PIP5K1B: variants seen among roughly 807,000 people sequenced by gnomAD.
The protein encoded by PIP5K1B is phosphatidylinositol 4-phosphate 5-kinase type-1 beta.
Under a neutral mutation model 67.0 loss-of-function variants are expected in PIP5K1B, and 42 were observed. The ratio of observed to expected loss-of-function variants is 0.63; its 90% CI spans 0.49 to 0.81. The LOEUF is 0.81. Ranked by LOEUF, PIP5K1B falls within the 30% of genes least tolerant of loss-of-function variation. PIP5K1B has a pLI of 0.00. For synonymous variants in PIP5K1B, 214 were observed against 231.4 expected (o/e 0.92, Z 0.68); for missense variants, 459 against 646.3 (o/e 0.71, Z 3.14).
chr9:68,940,896 C>A, intron 14 of PIP5K1B, 106 bp downstream of exon 14: 1 of 1,023,384 alleles, frequency 9.8e-7, no homozygotes, highest in Non-Finnish European at 1.5e-6. Context: ...CCAGGATGTG[C>A]CTGTCATCTG....
At chr9:68,717,087 G>A (rs1291065150) in intron 1 of PIP5K1B, among the ~76,000 whole-genome samples, 1 of 152,176 alleles carries the variant, frequency 6.6e-6, no homozygotes, top group African/African-American at 2.4e-5. Context: ...CTCCAAAGGG[G>A]ACAGGGAAGG....
intron 1 of PIP5K1B, among the ~76,000 whole-genome samples, chr9:68,733,340 C>A (rs1587358825): frequency 6.6e-6 from 1 of 152,114 alleles, no homozygotes; most frequent in South Asian, 2.1e-4. Context: ...AACTGCAGAG[C>A]CTTGCATATT....
intron 2 of PIP5K1B, among the ~76,000 whole-genome samples, chr9:68,773,240 C>G (rs369271303): frequency 2.6e-5 from 4 of 152,294 alleles, no homozygotes; most frequent in Admixed American, 2.6e-4. Flanking sequence ...GTTCCTCCAC[C>G]CCCTTGGCAA....
At chr9:68,872,378 C>T (rs1330307722) in intron 5 of PIP5K1B, among the ~76,000 whole-genome samples, 1 of 152,214 alleles carries the variant, frequency 6.6e-6, no homozygotes, top group African/African-American at 2.4e-5. Context: ...TTCACTAGAG[C>T]TTCATTCATG....
chr9:68,759,931 T>C lies in PIP5K1B; in HGVS notation c.-86+17274T>C, dbSNP rs1429692075. Among the ~76,000 whole-genome samples, 7 of 152,102 alleles carry C rather than the reference T, an allele frequency of 4.6e-5. No individual in the cohort carries two copies. In the East Asian group the frequency reaches 9.6e-4, roughly 21 times the overall value. ...CATTAAAATTTCCATCAGACAGCAA[T>C]CTTCTAAGGTATGGCTTTTGTAAAA... On this transcript the variant is annotated intron_variant, in intron 2 of 15. Coordinates refer to ENST00000265382, the MANE Select transcript of PIP5K1B (RefSeq NM_003558.4).
chr9:68,819,596 C>A (rs12341091), intron 3 of PIP5K1B, among the ~76,000 whole-genome samples: 1,779 of 152,196 alleles, frequency 0.012, 35 homozygotes, highest in African/African-American at 0.041. Flanking sequence ...TTTTTTAAAA[C>A]AATGTTTTGA....
chr9:68,971,930 G>C (rs538159519), intron 14 of PIP5K1B, among the ~76,000 whole-genome samples: 2 of 152,292 alleles, frequency 1.3e-5, no homozygotes, highest in African/African-American at 4.8e-5. Flanking sequence ...CTTCCATTCT[G>C]TAGGTTGCCT....
chr9:68,989,406 T>G (rs189585772), intron 14 of PIP5K1B, among the ~76,000 whole-genome samples: 248 of 152,182 alleles, frequency 1.6e-3, no homozygotes, highest in Non-Finnish European at 2.4e-3. Context: ...AGAGGAGAGA[T>G]GAAGCCCACC....
chr9:68,746,076 C>CTT (rs11306038), intron 2 of PIP5K1B, among the ~76,000 whole-genome samples: 4,535 of 107,048 alleles, frequency 0.042, 342 homozygotes, highest in African/African-American at 0.15. Flanking sequence ...TGTGTTAACT[C>CTT]TTTTTTTTTT....
chr9:68,867,576 T>C (rs1823423020), intron 5 of PIP5K1B, among the ~76,000 whole-genome samples: 1 of 152,236 alleles, frequency 6.6e-6, no homozygotes, highest in Non-Finnish European at 1.5e-5. Context: ...TCCTAGTTGC[T>C]GTAGCAGTCA....
In PIP5K1B at chr9:68,900,916, G is replaced by C. The variant is rs529572036; in HGVS notation, c.771+6278G>C. On this transcript the variant is annotated intron_variant, in intron 8 of 15. Coordinates refer to ENST00000265382, the MANE Select transcript of PIP5K1B (RefSeq NM_003558.4). ...TGAATCAGATTCTTAACAGCTATGG[G>C]CATGTTTGCATGGGTTACAAAATGG... Among the ~76,000 whole-genome samples, 45 of 152,264 alleles carry C rather than the reference G, an allele frequency of 3.0e-4. 2 individuals carry two copies. The South Asian group carries it at 9.3e-3, about 32-fold the overall frequency.
intron 8 of PIP5K1B, among the ~76,000 whole-genome samples, chr9:68,913,077 ATGT>A (rs1376888696): frequency 6.6e-6 from 1 of 152,188 alleles, no homozygotes; most frequent in East Asian, 1.9e-4. Flanking sequence ...CTACATTCCA[ATGT>A]TGTTATTGAC....
At chr9:68,863,287 A>G (rs75031599) in intron 4 of PIP5K1B, among the ~76,000 whole-genome samples, 1 of 152,334 alleles carries the variant, frequency 6.6e-6, no homozygotes, top group African/African-American at 2.4e-5. Context: ...TAGGCAGTGC[A>G]AGGCATAAAA....
intron 15 of PIP5K1B, among the ~76,000 whole-genome samples, chr9:68,996,669 T>G (rs1375056211): frequency 2.6e-5 from 4 of 152,232 alleles, no homozygotes; most frequent in Non-Finnish European, 5.9e-5. Flanking sequence ...CTAAGGCGGC[T>G]TCTTTGCCTG....
intron 4 of PIP5K1B, among the ~76,000 whole-genome samples, chr9:68,840,157 A>G (rs558431202): frequency 5.9e-5 from 9 of 152,286 alleles, no homozygotes; most frequent in African/African-American, 2.2e-4. Flanking sequence ...CGGGCAGATC[A>G]CCTGAGGTCA....
chr9:68,731,392 C>T (rs1828423722), intron 1 of PIP5K1B, among the ~76,000 whole-genome samples: 1 of 152,196 alleles, frequency 6.6e-6, no homozygotes, highest in Admixed American at 6.5e-5. Context: ...TGAAATGAGG[C>T]TGATGTTGAC....
chr9:68,776,153 T>A (rs1031808571), intron 2 of PIP5K1B, among the ~76,000 whole-genome samples: 1 of 152,260 alleles, frequency 6.6e-6, no homozygotes, highest in Non-Finnish European at 1.5e-5. Context: ...AGGTTGTTGA[T>A]GCTAATTAAC....
intron 9 of PIP5K1B, 36 bp downstream of exon 9, chr9:68,917,795 T>C (rs777612332): frequency 8.2e-6 from 12 of 1,468,604 alleles, no homozygotes; most frequent in Non-Finnish European, 1.1e-5. Context: ...CCCTCTTGAC[T>C]GTGGCAGCCC....
At chr9:69,000,887 A>G (rs2309402) in intron 15 of PIP5K1B, among the ~76,000 whole-genome samples, 88,936 of 147,188 alleles carry the variant, frequency 0.6, 26,619 homozygotes, top group South Asian at 0.65. Flanking sequence ...GCTTGATGGG[A>G]GCACAACTTT....
Sources: gnomAD v4.1 joint callset for allele counts (sites outside exome capture counted in the v4.1 genomes callset) on GRCh38, gnomAD v4.1.1 for gene constraint, MANE v1.5 for transcripts, NCBI Gene and HGNC (gene_info 2026-07-23, HGNC 2026-07-21) for gene names.